CLHC1: variants seen among roughly 807,000 people sequenced by gnomAD.
The protein encoded by CLHC1 is clathrin heavy chain linker domain-containing protein 1.
CLHC1 carries 72 observed loss-of-function variants against 69.5 expected under a neutral mutation model. The ratio of observed to expected loss-of-function variants is 1.04; its 90% CI spans 0.86 to 1.26. CLHC1 has a LOEUF of 1.26. Among genes scored for constraint, CLHC1 ranks in the 50% most tolerant of loss-of-function variants. The pLI, the probability that CLHC1 is intolerant of heterozygous loss-of-function variation, is 0.00. For synonymous variants in CLHC1, 223 were observed against 224.3 expected, an observed-to-expected ratio of 0.99 and a Z score of 0.05; for missense variants, 790 against 679.3, an observed-to-expected ratio of 1.16 and a Z score of -1.81.
intron 9 of CLHC1, 87 bp from the exon 10 acceptor site, chr2:55,181,831 G>T: frequency 2.0e-6 from 2 of 1,012,162 alleles, no homozygotes; most frequent in Non-Finnish European, 2.9e-6. Flanking sequence ...TTGTGCCTTT[G>T]CTTTTCTAAA....
intron 9 of CLHC1, among the ~76,000 whole-genome samples, chr2:55,203,370 A>G (rs1054109943): frequency 1.3e-5 from 2 of 152,212 alleles, no homozygotes; most frequent in Admixed American, 1.3e-4. Flanking sequence ...CTAAGCAAAA[A>G]GAACAAAACT....
rs72916761 is a variant in CLHC1 at position 55,204,603 on chromosome 2, T to A, written c.1006+1667A>T. ...CTTGGGTTACCATATGATCCAGCAA[T>A]CCTATGATTATACCATATGATCAAC... On this transcript the variant is annotated intron_variant, in intron 9 of 12. Transcript: ENST00000401408. Among the ~76,000 whole-genome samples, 843 of 152,252 alleles carry A rather than the reference T, an allele frequency of 5.5e-3. 11 individuals carry two copies. Among genetic ancestry groups the A allele is most frequent in the African/African-American group, 0.019 (787 of 41,556 alleles).
At chr2:55,208,933 C>T (rs1042557459) in intron 7 of CLHC1, among the ~76,000 whole-genome samples, 14 of 141,600 alleles carry the variant, frequency 9.9e-5, no homozygotes, top group African/African-American at 3.4e-4. Context: ...TGCAGTGGCC[C>T]TATCTTGGCT....
chr2:55,225,218 A>G (rs1305483233), intron 2 of CLHC1: 1 of 152,642 alleles, frequency 6.6e-6, no homozygotes, highest in African/African-American at 2.4e-5. Context: ...GGAAGACGCC[A>G]TGCTGTCTCG....
At chr2:55,226,412 GAAAT>G (rs1323927693) in intron 2 of CLHC1, among the ~76,000 whole-genome samples, 2 of 152,064 alleles carry the variant, frequency 1.3e-5, no homozygotes, top group Admixed American at 6.5e-5. Flanking sequence ...CAAAATTAAT[GAAAT>G]AAATATCTAT....
intron 9 of CLHC1, among the ~76,000 whole-genome samples, chr2:55,190,944 A>T (rs1670868397): frequency 6.6e-6 from 1 of 152,196 alleles, no homozygotes; most frequent in South Asian, 2.1e-4. Flanking sequence ...GTGCCAAAAA[A>T]AAAGTAAAAA....
rs59113625 is a variant in CLHC1, at chr2:55,222,918, C to CAAAAAA, written c.-82-431_-82-426dup. On this transcript the variant is annotated intron_variant, in intron 2 of 12. Transcript: ENST00000401408. ...CTGGGCAACAAGAGCGAAACTGTCT[C>CAAAAAA]AAAAAAAAAAAAAAAAAAAAAAAAG... 7.7e-3 allele frequency among the ~76,000 whole-genome samples: 529 copies of CAAAAAA among 68,536 alleles called. 23 individuals carry two copies. The highest frequency in any genetic ancestry group is 0.028 in the African/African-American group (506 of 17,788). The allele number at this position is 68,536 out of a possible 152,430, so 45.0% of individuals were successfully genotyped here.
At chr2:55,204,147 G>C (rs1672219152) in intron 9 of CLHC1, among the ~76,000 whole-genome samples, 1 of 152,146 alleles carries the variant, frequency 6.6e-6, no homozygotes, top group Non-Finnish European at 1.5e-5. Flanking sequence ...AGCTGGGCAT[G>C]GTGGTGCATG....
At chr2:55,210,440 C>G (rs1573719804) in intron 5 of CLHC1, among the ~76,000 whole-genome samples, 1 of 152,084 alleles carries the variant, frequency 6.6e-6, no homozygotes, top group African/African-American at 2.4e-5. Flanking sequence ...AAGTGATTCG[C>G]TCGCCTCGGC....
intron 5 of CLHC1, among the ~76,000 whole-genome samples, chr2:55,210,447 C>T (rs1362076652): frequency 1.3e-5 from 2 of 152,056 alleles, no homozygotes; most frequent in South Asian, 2.1e-4. Flanking sequence ...TCGCTCGCCT[C>T]GGCCTCTCAA....
intron 9 of CLHC1, among the ~76,000 whole-genome samples, chr2:55,193,810 A>C (rs929287180): frequency 3.3e-5 from 5 of 152,214 alleles, no homozygotes; most frequent in South Asian, 4.1e-4. Flanking sequence ...AACCACACAA[A>C]AACTTGTATA....
At chr2:55,191,130 A>C (rs1344000660) in intron 9 of CLHC1, among the ~76,000 whole-genome samples, 5 of 152,262 alleles carry the variant, frequency 3.3e-5, no homozygotes, top group African/African-American at 9.6e-5. Flanking sequence ...AATACCTTTC[A>C]AAAGCGAAGG....
At chr2:55,220,437 T>C (rs572573306) in intron 3 of CLHC1, among the ~76,000 whole-genome samples, 1 of 152,320 alleles carries the variant, frequency 6.6e-6, no homozygotes, top group African/African-American at 2.4e-5. Flanking sequence ...GATTTCCATT[T>C]CTAGATCCCC....
chr2:55,207,521 C>G (rs988211409), intron 8 of CLHC1, among the ~76,000 whole-genome samples: 1 of 152,128 alleles, frequency 6.6e-6, no homozygotes, highest in Admixed American at 6.6e-5. Context: ...ATTATATTTA[C>G]CCCCTTCTTT....
At chr2:55,228,752 A>G (rs571055515) in intron 1 of CLHC1, among the ~76,000 whole-genome samples, 3 of 152,224 alleles carry the variant, frequency 2.0e-5, no homozygotes, top group African/African-American at 4.8e-5. Flanking sequence ...GGGGACACCT[A>G]TTGTTTGTCT....
chr2:55,210,779 T>G (rs1460465123), intron 5 of CLHC1, among the ~76,000 whole-genome samples: 1 of 152,168 alleles, frequency 6.6e-6, no homozygotes, highest in Non-Finnish European at 1.5e-5. Flanking sequence ...AAATCTTCAG[T>G]CCTCTCTCTC....
At chr2:55,212,077 G>A (rs140940929) in intron 5 of CLHC1, among the ~76,000 whole-genome samples, 1 of 152,182 alleles carries the variant, frequency 6.6e-6, no homozygotes, top group Middle Eastern at 3.2e-3. Flanking sequence ...AGGAGTTTGA[G>A]ACCAGCGTGG....
chr2:55,176,338 CAG>C (rs1669388326), intron 12 of CLHC1, among the ~76,000 whole-genome samples: 1 of 152,188 alleles, frequency 6.6e-6, no homozygotes, highest in Non-Finnish European at 1.5e-5. Flanking sequence ...TCCTTATTCA[CAG>C]AGTCTATAAG....
chr2:55,172,998 G>C lies in CLHC1; in HGVS notation c.*2792C>G, dbSNP rs879574542. ...ACTATAATAAACAAAAATGTAACTA[G>C]TTACAATTAAATCTTTCAGACCTTG... is the stretch of plus-strand genomic sequence containing the variant. On this transcript the variant is annotated 3_prime_UTR_variant, in exon 13 of 13. Coordinates refer to ENST00000401408, the MANE Select transcript of CLHC1 (RefSeq NM_152385.4). Among the ~76,000 whole-genome samples the C allele has an allele frequency of 5.9e-5, 9 of 152,140 alleles. No individual in the cohort carries two copies. The highest frequency in any genetic ancestry group is 1.3e-4 in the Non-Finnish European group (9 of 68,036).
Sources: allele counts gnomAD v4.1 joint callset (sites outside exome capture counted in the v4.1 genomes callset), GRCh38; gene constraint gnomAD v4.1.1; transcripts MANE v1.5; gene names NCBI Gene and HGNC (gene_info 2026-07-23, HGNC 2026-07-21).